PDZRN4: variants seen among roughly 807,000 people sequenced by gnomAD.
The protein encoded by PDZRN4 is PDZ domain containing ring finger 4, also known as PDZ domain-containing RING finger protein 4.
PDZRN4 carries 70 observed loss-of-function variants against 99.0 expected under a neutral mutation model. The observed-to-expected ratio is 0.71, with a 90% CI of 0.58 to 0.86. PDZRN4 has a LOEUF of 0.86. PDZRN4 is among the 40% of genes least tolerant of loss of function. The pLI, the probability that PDZRN4 is intolerant of heterozygous loss-of-function variation, is 0.00. For missense variants in PDZRN4, 1,474 were observed against 1,331.2 expected (o/e 1.11, Z -1.67); for synonymous variants, 551 against 501.6 (o/e 1.10, Z -1.32).
intron 7 of PDZRN4, among the ~76,000 whole-genome samples, chr12:41,558,659 AT>A (rs1420372234): frequency 1.3e-5 from 2 of 152,210 alleles, no homozygotes; most frequent in African/African-American, 4.8e-5. Flanking sequence ...GCATTTCTTA[AT>A]GGTCTAGATT....
chr12:41,446,900 C>T (rs1227368573), intron 3 of PDZRN4, among the ~76,000 whole-genome samples: 1 of 145,080 alleles, frequency 6.9e-6, no homozygotes, highest in Non-Finnish European at 1.5e-5. Context: ...ACCATTTAGT[C>T]AAAGGTAATG....
In PDZRN4 at chr12:41,250,093, G is replaced by C. The variant is rs1413339308; in HGVS notation, c.843+55905G>C. 2.0e-5 allele frequency among the ~76,000 whole-genome samples: 3 copies of C among 152,118 alleles called. No homozygotes were observed. The East Asian group carries it at 5.8e-4, about 29-fold the overall frequency. On this transcript the variant is annotated intron_variant, in intron 3 of 9. Transcript: ENST00000402685. ...AATGGGTATGGTAACTTGCATACTT[G>C]TTTGCTCTTGACTTAGGTGTTCAGA...
chr12:41,347,121 T>A (rs927232754), intron 3 of PDZRN4, among the ~76,000 whole-genome samples: 2 of 152,128 alleles, frequency 1.3e-5, no homozygotes, highest in African/African-American at 4.8e-5. Flanking sequence ...CATGTATGAA[T>A]TTTTGTGTGG....
At chr12:41,416,642 A>AACAACTGG (rs1952447774) in intron 3 of PDZRN4, among the ~76,000 whole-genome samples, 2 of 152,130 alleles carry the variant, frequency 1.3e-5, no homozygotes, top group Non-Finnish European at 2.9e-5. Context: ...GGGCAACAAC[A>AACAACTGG]GCGAAACTCC....
chr12:41,268,244 CTT>C (rs1305092005), intron 3 of PDZRN4, among the ~76,000 whole-genome samples: 1 of 152,166 alleles, frequency 6.6e-6, no homozygotes, highest in Non-Finnish European at 1.5e-5. Flanking sequence ...GATGAGGAGA[CTT>C]GAGAAAAGTT....
chr12:41,272,013 A>G (rs958385367), intron 3 of PDZRN4, among the ~76,000 whole-genome samples: 6 of 152,026 alleles, frequency 3.9e-5, no homozygotes, highest in South Asian at 2.1e-4. Context: ...AGCCTCTACT[A>G]TATAGAATAT....
At chr12:41,220,884 G>T (rs1031490956) in intron 3 of PDZRN4, among the ~76,000 whole-genome samples, 25 of 152,170 alleles carry the variant, frequency 1.6e-4, no homozygotes, top group African/African-American at 5.6e-4. Flanking sequence ...ATAGAGAAAA[G>T]CATCTATTTT....
At chr12:41,217,257 T>C (rs1950927384) in intron 3 of PDZRN4, among the ~76,000 whole-genome samples, 1 of 152,108 alleles carries the variant, frequency 6.6e-6, no homozygotes, top group Admixed American at 6.6e-5. Context: ...TTGAAATCTC[T>C]AAGGCAGGGC....
rs58152936 is a variant in PDZRN4 at position 41,350,876 on chromosome 12, G to A, written c.844-155580G>A. Among the ~76,000 whole-genome samples, 587 of 152,070 alleles carry A rather than the reference G, an allele frequency of 3.9e-3. 1 individual carries two copies. The highest frequency in any genetic ancestry group is 0.014 in the African/African-American group (567 of 41,502). On this transcript the variant is annotated intron_variant, in intron 3 of 9. Coordinates refer to ENST00000402685, the MANE Select transcript of PDZRN4 (RefSeq NM_001164595.2). The stretch of plus-strand genomic sequence containing the variant: ...GACCCAGAAGCAGCCTCCCTCTCAG[G>A]GTAGAAACAGCAGTCAATACCTCCC...
chr12:41,498,343 T>C (rs1938048361), intron 3 of PDZRN4, among the ~76,000 whole-genome samples: 1 of 152,294 alleles, frequency 6.6e-6, no homozygotes, highest in East Asian at 1.9e-4. Context: ...GTTTGCTTTC[T>C]GCTGCTGTAA....
chr12:41,214,890 A>T (rs1950911062), intron 3 of PDZRN4, among the ~76,000 whole-genome samples: 2 of 152,082 alleles, frequency 1.3e-5, no homozygotes, highest in African/African-American at 4.8e-5. Flanking sequence ...AGAGAAAAAA[A>T]TGTCTGAAAA....
chr12:41,479,193 T>G (rs1034275309), intron 3 of PDZRN4, among the ~76,000 whole-genome samples: 3 of 152,208 alleles, frequency 2.0e-5, no homozygotes, highest in African/African-American at 7.2e-5. Context: ...AATCATATCC[T>G]GACTTGGATG....
At chr12:41,269,712 C>T (rs550536260) in intron 3 of PDZRN4, among the ~76,000 whole-genome samples, 1 of 152,202 alleles carries the variant, frequency 6.6e-6, no homozygotes, top group South Asian at 2.1e-4. Context: ...TGAAGTTTTC[C>T]ACTGTATCAG....
chr12:41,344,836 T>G (rs1005587203), intron 3 of PDZRN4, among the ~76,000 whole-genome samples: 12 of 139,172 alleles, frequency 8.6e-5, no homozygotes, highest in African/African-American at 3.0e-4. Flanking sequence ...TAAAATAAAA[T>G]TAGTTAGCAT....
At position 41,188,661 on chromosome 12, in the gene PDZRN4, C is replaced by A. The variant is rs1343174075; in HGVS notation, c.206C>A (p.Pro69Gln). 6.5e-7 allele frequency: 1 copy of A among 1,548,632 alleles called. No homozygotes were observed. Among genetic ancestry groups the A allele is most frequent in the South Asian group, 1.2e-5 (1 of 85,030 alleles). ...CCCGGCGAGCTGTACCGGGTGCTGCCGCTGCGCAGCCTCATCCAGAAGCTG... is the reference window on the plus strand; with the variant it reads ...CCCGGCGAGCTGTACCGGGTGCTGCAGCTGCGCAGCCTCATCCAGAAGCTG... ...LAPGELYRVL[P>Q]LRSLIQKLRV... The change falls in exon 1 of 10, where the codon CCG becomes CAG. Residue 69 changes from proline (P) to glutamine (Q), a missense_variant. Physicochemically the swap from Pro to Gln is moderately conservative, Grantham distance 76. Transcript: ENST00000402685.
In PDZRN4 at chr12:41,293,436, C is replaced by T. The variant is rs191459177; in HGVS notation, c.843+99248C>T. Among the ~76,000 whole-genome samples the T allele has an allele frequency of 6.3e-4, 96 of 151,882 alleles. 1 individual carries two copies. The highest frequency in any genetic ancestry group is 1.8e-3 in the African/African-American group (73 of 41,476). ...TGGCTCTCCCCTACTACCTGCGCTC[C>T]TGCTCTGTCAAGAGTCATCACCTAA... On this transcript the variant is annotated intron_variant, in intron 3 of 9. Transcript: ENST00000402685.
chr12:41,463,340 A>G (rs1232973555), intron 3 of PDZRN4, among the ~76,000 whole-genome samples: 1 of 152,050 alleles, frequency 6.6e-6, no homozygotes, highest in Non-Finnish European at 1.5e-5. Flanking sequence ...TTCCTCAACT[A>G]TACTTTCTTT....
intron 3 of PDZRN4, among the ~76,000 whole-genome samples, chr12:41,474,486 G>A (rs1953021583): frequency 6.6e-6 from 1 of 152,174 alleles, no homozygotes; most frequent in Admixed American, 6.5e-5. Context: ...GTACCCAGGG[G>A]TTTCCTGACT....
At chr12:41,394,850 G>A (rs1020492730) in intron 3 of PDZRN4, among the ~76,000 whole-genome samples, 1 of 152,096 alleles carries the variant, frequency 6.6e-6, no homozygotes, top group African/African-American at 2.4e-5. Flanking sequence ...GAGAGAGAGA[G>A]AGCCAAACCA....
Sources: allele counts gnomAD v4.1 joint callset (sites outside exome capture counted in the v4.1 genomes callset), GRCh38; gene constraint gnomAD v4.1.1; transcripts MANE v1.5; gene names NCBI Gene and HGNC (gene_info 2026-07-23, HGNC 2026-07-21).